Variants in XPO4 observed in about 807,000 individuals in gnomAD.
XPO4 encodes the protein exportin-4.
XPO4 carries 39 observed loss-of-function variants against 143.0 expected under a neutral mutation model. That is an observed-to-expected ratio of 0.27 (90% CI 0.21 to 0.36). The LOEUF (loss-of-function observed/expected upper bound fraction) is 0.36, where lower values mean the gene tolerates loss of function less well. XPO4 is among the 10% of genes least tolerant of loss of function. XPO4 has a pLI of 1.00. For missense variants in XPO4, 907 were observed against 1,348.0 expected, an observed-to-expected ratio of 0.67 and a Z score of 5.12; for synonymous variants, 439 against 474.0, an observed-to-expected ratio of 0.93 and a Z score of 0.96.
Position 20,854,078 on chromosome 13 carries a change from T to C in XPO4, c.456+1549A>G, listed in dbSNP as rs575966888. ...AGGTGTGCATTTTAGACAGACATAGTAATGCATGTAAATTACTTCTCAATA... is the reference window on the plus strand; with the variant it reads ...AGGTGTGCATTTTAGACAGACATAGCAATGCATGTAAATTACTTCTCAATA... On this transcript the variant is annotated intron_variant, in intron 4 of 22. Transcript: ENST00000255305. Among the ~76,000 whole-genome samples the C allele has an allele frequency of 8.0e-4, 122 of 152,298 alleles. 3 individuals are homozygous for C. In the South Asian group the frequency reaches 0.024, roughly 30 times the overall value.
At chr13:20,874,307 A>G (rs369918988) in intron 1 of XPO4, among the ~76,000 whole-genome samples, 2 of 152,336 alleles carry the variant, frequency 1.3e-5, no homozygotes. Flanking sequence ...AGAAAAGAAC[A>G]CATGTTCAAC....
In XPO4 at chr13:20,875,521, C is replaced by G. The variant is rs560221525; in HGVS notation, c.70-6820G>C. Among the ~76,000 whole-genome samples, 19 of 152,210 alleles carry G rather than the reference C, an allele frequency of 1.2e-4. No homozygotes were observed. In the South Asian group the frequency reaches 3.7e-3, roughly 30 times the overall value. ...CCTCCCAATGTTCTTCCTCTATCACCTTCTCCAATTTCTTGCAAAATATTC... is the reference window on the plus strand; with the variant it reads ...CCTCCCAATGTTCTTCCTCTATCACGTTCTCCAATTTCTTGCAAAATATTC... On this transcript the variant is annotated intron_variant, in intron 1 of 22. Coordinates refer to ENST00000255305, the MANE Select transcript of XPO4 (RefSeq NM_022459.5).
chr13:20,832,010 A>G (rs2059859275), intron 6 of XPO4, among the ~76,000 whole-genome samples: 1 of 152,070 alleles, frequency 6.6e-6, no homozygotes, highest in Non-Finnish European at 1.5e-5. Flanking sequence ...TCAACTCTCC[A>G]TTCCCTGCCC....
At chr13:20,893,437 G>A (rs2060537205) in intron 1 of XPO4, among the ~76,000 whole-genome samples, 1 of 152,044 alleles carries the variant, frequency 6.6e-6, no homozygotes, top group African/African-American at 2.4e-5. Context: ...ATGAGGATAT[G>A]GAATGAAACA....
rs576412911 is a variant in XPO4 at position 20,847,677 on chromosome 13, G to C, written c.457-3791C>G. 1.2e-3 allele frequency among the ~76,000 whole-genome samples: 186 copies of C among 152,146 alleles called. 3 individuals carry two copies. Among genetic ancestry groups the C allele is most frequent in the Non-Finnish European group, 1.9e-3 (131 of 68,024 alleles). ...CAGAGCTAGATATTTTTCCATATCAGAGACAGTGGCTCTGATACTTAAGAC... is the reference window on the plus strand; with the variant it reads ...CAGAGCTAGATATTTTTCCATATCACAGACAGTGGCTCTGATACTTAAGAC... On this transcript the variant is annotated intron_variant, in intron 4 of 22. Transcript: ENST00000255305.
intron 4 of XPO4, chr13:20,852,744 A>G: frequency 1.0e-6 from 1 of 982,620 alleles, no homozygotes; most frequent in Non-Finnish European, 1.2e-6. Context: ...ATTAAAAAAG[A>G]CTAGAAGAAA....
intron 1 of XPO4, chr13:20,902,334 G>T (rs945568236): frequency 4.3e-5 from 42 of 985,280 alleles, no homozygotes; most frequent in Non-Finnish European, 4.7e-5. Flanking sequence ...GCCCTGCGGG[G>T]ATAACCCCAA....
chr13:20,785,976 GAGGAAGGA>G (rs57331137), intron 22 of XPO4, among the ~76,000 whole-genome samples: 6,038 of 141,966 alleles, frequency 0.043, 172 homozygotes, highest in Middle Eastern at 0.089. Flanking sequence ...AAGAAAAAGA[GAGGAAGGA>G]AGGAAGGAAG....
At chr13:20,860,952 A>C (rs1485024229) in intron 3 of XPO4, among the ~76,000 whole-genome samples, 11 of 151,766 alleles carry the variant, frequency 7.2e-5, no homozygotes, top group Admixed American at 5.9e-4. Context: ...TAAGGCAGTT[A>C]GCAGTTAACA....
At chr13:20,865,675 C>G (rs1441101538) in intron 2 of XPO4, 1 of 827,420 alleles carries the variant, frequency 1.2e-6, no homozygotes, top group African/African-American at 1.9e-5. Flanking sequence ...ACATTCTGAC[C>G]AAAAAGTTTT....
At chr13:20,839,225 C>T (rs914782858) in intron 6 of XPO4, among the ~76,000 whole-genome samples, 2 of 152,178 alleles carry the variant, frequency 1.3e-5, no homozygotes, top group African/African-American at 4.8e-5. Flanking sequence ...GATCGCGCCA[C>T]GGCACTCCAC....
intron 3 of XPO4, chr13:20,856,909 T>C (rs1320106777): frequency 3.0e-6 from 3 of 985,298 alleles, no homozygotes; most frequent in African/African-American, 1.7e-5. Flanking sequence ...ACAGGACATA[T>C]CTGTTACTAC....
intron 3 of XPO4, among the ~76,000 whole-genome samples, chr13:20,858,271 G>C (rs1316879924): frequency 6.6e-6 from 1 of 152,034 alleles, no homozygotes. Context: ...ATATTATTCA[G>C]ACAATTGGGA....
At chr13:20,799,439 A>ATT in intron 15 of XPO4, 100 bp from the exon 16 acceptor site, 1 of 1,089,570 alleles carries the variant, frequency 9.2e-7, no homozygotes, top group Non-Finnish European at 1.3e-6. Context: ...AAATAACTAG[A>ATT]TTTAATTACT....
At chr13:20,883,902 G>T (rs1293588765) in intron 1 of XPO4, among the ~76,000 whole-genome samples, 3 of 152,128 alleles carry the variant, frequency 2.0e-5, no homozygotes, top group Non-Finnish European at 4.4e-5. Context: ...CGAGTAGCTG[G>T]GATTACAGGC....
intron 6 of XPO4, among the ~76,000 whole-genome samples, chr13:20,831,882 G>A (rs892866243): frequency 2.0e-5 from 3 of 149,322 alleles, no homozygotes; most frequent in Non-Finnish European, 4.4e-5. Flanking sequence ...TCCGGCAAGG[G>A]ATCCAATTCT....
chr13:20,876,604 GATGTCAAAGTA>G (rs2060355960), intron 1 of XPO4, among the ~76,000 whole-genome samples: 1 of 152,198 alleles, frequency 6.6e-6, no homozygotes, highest in African/African-American at 2.4e-5. Flanking sequence ...AGGAAAGTAT[GATGTCAAAGTA>G]GGGAAGAATT....
At chr13:20,836,217 T>C (rs994131607) in intron 6 of XPO4, among the ~76,000 whole-genome samples, 8 of 152,182 alleles carry the variant, frequency 5.3e-5, no homozygotes, top group African/African-American at 1.9e-4. Context: ...TACTACCTGA[T>C]CACTGAGATA....
At chr13:20,836,132 G>C (rs1049486334) in intron 6 of XPO4, among the ~76,000 whole-genome samples, 2 of 152,160 alleles carry the variant, frequency 1.3e-5, no homozygotes, top group African/African-American at 4.8e-5. Context: ...TTGACCGCAT[G>C]GGGGTTGGTG....
Sources: allele counts gnomAD v4.1 joint callset (sites outside exome capture counted in the v4.1 genomes callset), GRCh38; gene constraint gnomAD v4.1.1; transcripts MANE v1.5; gene names NCBI Gene and HGNC (gene_info 2026-07-23, HGNC 2026-07-21).